TSPEAR: variants seen among roughly 807,000 people sequenced by gnomAD.
TSPEAR encodes thrombospondin-type laminin G domain and EAR repeat-containing protein.
In TSPEAR, 69 loss-of-function variants were observed where a neutral mutation model predicts 71.6. The ratio of observed to expected loss-of-function variants is 0.96; its 90% CI spans 0.79 to 1.18. The LOEUF is 1.18. TSPEAR is among the 50% of genes most tolerant of loss of function. The probability of loss-of-function intolerance (pLI) is 0.00; values close to 1 mark genes in which losing one functional copy is unlikely to be tolerated. For missense variants in TSPEAR, 971 were observed against 894.9 expected (o/e 1.09, Z -1.09); for synonymous variants, 402 against 387.2 (o/e 1.04, Z -0.45).
chr21:44,522,187 C>T, intron 8 of TSPEAR, 75 bp from the exon 9 acceptor site: 1 of 1,447,102 alleles, frequency 6.9e-7, no homozygotes, highest in Non-Finnish European at 9.7e-7. Context: ...GGAGGCAGAG[C>T]CCAGTCCAAG....
Position 44,509,291 on chromosome 21 carries a change from G to A in TSPEAR, c.1662C>T (p.Val554=). 1 of 1,614,084 alleles carries A rather than the reference G, an allele frequency of 6.2e-7. No homozygotes were observed. Among genetic ancestry groups the A allele is most frequent in the Non-Finnish European group, 8.5e-7 (1 of 1,180,008 alleles). ...NSHSYDVEMQ[V]QNDSYVINSV... Reference sequence around the variant, plus strand: ...AGTTGATGACATAGGAATCATTCTGGACTTGCATCTCCACATCGTAGCTGT... The same window carrying A: ...AGTTGATGACATAGGAATCATTCTGAACTTGCATCTCCACATCGTAGCTGT... The change falls in exon 10 of 12, where the codon GTC becomes GTT. Residue 554 remains valine, a synonymous_variant. Transcript: ENST00000323084.
chr21:44,680,567 T>C (rs587638130), intron 1 of TSPEAR, among the ~76,000 whole-genome samples: 2 of 152,326 alleles, frequency 1.3e-5, no homozygotes, highest in African/African-American at 2.4e-5. Flanking sequence ...GGAATTGGTG[T>C]ATCAAAAAGA....
intron 9 of TSPEAR, chr21:44,518,154 C>T: frequency 2.7e-6 from 1 of 368,444 alleles, no homozygotes; most frequent in Non-Finnish European, 5.5e-6. Flanking sequence ...AGTGCAGTAT[C>T]ATCTTGAATA....
At chr21:44,540,239 A>G (rs2053195840) in intron 2 of TSPEAR, 2 of 1,557,200 alleles carry the variant, frequency 1.3e-6, no homozygotes, top group African/African-American at 1.4e-5. Flanking sequence ...TGTGTGAGTG[A>G]GTGTGTGAGC....
At chr21:44,627,722 TGCCTGTCTGCTGTAA>T (rs781839622) in intron 1 of TSPEAR, 81 of 1,594,536 alleles carry the variant, frequency 5.1e-5, no homozygotes, top group East Asian at 9.0e-5. Flanking sequence ...TCCTACTGTG[TGCCTGTCTGCTGTAA>T]GCCTGTCTGC....
rs1569152370 is a variant in TSPEAR, at chr21:44,509,514, G to GGGGCGCAGAGGTGTGGGTGAGC, written c.1567-150_1567-129dup. 1.1e-4 allele frequency: 51 copies of GGGGCGCAGAGGTGTGGGTGAGC among 469,502 alleles called. 1 individual carries two copies. Among genetic ancestry groups the GGGGCGCAGAGGTGTGGGTGAGC allele is most frequent in the African/African-American group, 2.6e-4 (9 of 34,804 alleles). The allele number at this position is 469,502 out of a possible 1,614,324, so 29.1% of individuals were successfully genotyped here. On this transcript the variant is annotated intron_variant, in intron 9 of 11. Transcript: ENST00000323084. ...GAGGGGGCGCAGAGGTGTGGGGGAGGGGGCGCAGAGGTGTGGGTGAGCGGG... is the reference window on the plus strand; with the variant it reads ...GAGGGGGCGCAGAGGTGTGGGGGAGGGGGCGCAGAGGTGTGGGTGAGCGGGCGCAGAGGTGTGGGTGAGCGGG...
intron 2 of TSPEAR, chr21:44,558,561 C>G (rs1555920419): frequency 6.2e-7 from 1 of 1,613,058 alleles, no homozygotes; most frequent in Non-Finnish European, 8.5e-7. Context: ...GCTGGACACA[C>G]AGCTCACTGG....
chr21:44,533,749 G>A lies in TSPEAR; in HGVS notation c.478C>T (p.Leu160=). Reference sequence around the variant, plus strand: ...ACGCCTGCGGACACAGCCAGGACCAGTGTGTGCCAGCGGCCATCCACCAGG... The same window carrying A: ...ACGCCTGCGGACACAGCCAGGACCAATGTGTGCCAGCGGCCATCCACCAGG... The part of the protein sequence containing the change: ...PALVDGRWHT[L]VLAVSAGVFS... Residue 160 remains leucine, a synonymous_variant, in exon 3 of 12, where the codon CTG becomes TTG. Transcript: ENST00000323084. 1 of 1,612,466 alleles carries A rather than the reference G, an allele frequency of 6.2e-7. No individual in the cohort carries two copies. Among genetic ancestry groups the A allele is most frequent in the Non-Finnish European group, 8.5e-7 (1 of 1,179,878 alleles).
At chr21:44,670,591 T>C (rs1175712201) in intron 1 of TSPEAR, among the ~76,000 whole-genome samples, 2 of 152,142 alleles carry the variant, frequency 1.3e-5, no homozygotes, top group Non-Finnish European at 2.9e-5. Flanking sequence ...ATTTCCACCA[T>C]GGATTCAGCA....
At chr21:44,627,347 A>C (rs782011268) in intron 1 of TSPEAR, 4 of 1,613,284 alleles carry the variant, frequency 2.5e-6, no homozygotes, top group African/African-American at 2.7e-5. Flanking sequence ...CCCTGCTGCC[A>C]GGTGACCTGT....
intron 1 of TSPEAR, among the ~76,000 whole-genome samples, chr21:44,602,439 C>A (rs1402623607): frequency 1.3e-5 from 2 of 152,260 alleles, no homozygotes; most frequent in African/African-American, 4.8e-5. Flanking sequence ...CAGCCCCTGG[C>A]TCCAGAAAGG....
chr21:44,698,879 G>A (rs372128606), intron 1 of TSPEAR, among the ~76,000 whole-genome samples: 14 of 152,262 alleles, frequency 9.2e-5, no homozygotes, highest in African/African-American at 3.1e-4. Flanking sequence ...AGCTCCAGCC[G>A]GGGCAACAGA....
At chr21:44,693,638 A>T (rs1326513015) in intron 1 of TSPEAR, among the ~76,000 whole-genome samples, 1 of 100,066 alleles carries the variant, frequency 1.0e-5, no homozygotes, top group Admixed American at 1.0e-4. Flanking sequence ...ACCTACCAGG[A>T]TGGCTGTAAT....
chr21:44,588,670 T>C (rs1444038722), intron 1 of TSPEAR, among the ~76,000 whole-genome samples: 3 of 68,650 alleles, frequency 4.4e-5, no homozygotes, highest in African/African-American at 1.5e-4. Flanking sequence ...CTTTTATATA[T>C]ATAATATATA....
intron 2 of TSPEAR, among the ~76,000 whole-genome samples, chr21:44,538,220 C>A (rs1285102875): frequency 6.6e-6 from 1 of 152,166 alleles, no homozygotes; most frequent in African/African-American, 2.4e-5. Context: ...TCTGCACCCA[C>A]CCAGGGTGGC....
intron 1 of TSPEAR, among the ~76,000 whole-genome samples, chr21:44,689,009 A>G (rs1986988933): frequency 6.6e-6 from 1 of 152,124 alleles, no homozygotes; most frequent in Non-Finnish European, 1.5e-5. Flanking sequence ...CCGAGCATAG[A>G]GCACCAGGCC....
rs112368213 is a variant in TSPEAR, at chr21:44,587,771, G to T, written c.83-19766C>A. 8.6e-3 allele frequency among the ~76,000 whole-genome samples: 1,308 copies of T among 152,216 alleles called. 19 individuals are homozygous for T. Among genetic ancestry groups the T allele is most frequent in the African/African-American group, 0.03 (1,242 of 41,512 alleles). ...ACAAAGCAAACAAAAACATAAAGTG[G>T]GGAAAGGACACTCTATTCAACAAAT... On this transcript the variant is annotated intron_variant, in intron 1 of 11. Transcript: ENST00000323084.
intron 2 of TSPEAR, among the ~76,000 whole-genome samples, chr21:44,552,898 C>T (rs990964028): frequency 1.3e-5 from 2 of 152,178 alleles, no homozygotes; most frequent in Non-Finnish European, 2.9e-5. Flanking sequence ...ACTCAGCTCC[C>T]GACAAGAGCC....
intron 1 of TSPEAR, among the ~76,000 whole-genome samples, chr21:44,684,208 A>G (rs1555948585): frequency 6.6e-6 from 1 of 152,232 alleles, no homozygotes; most frequent in African/African-American, 2.4e-5. Flanking sequence ...GCAATCCGGA[A>G]GTCTACATCT....
Sources: allele counts gnomAD v4.1 joint callset (sites outside exome capture counted in the v4.1 genomes callset), GRCh38; gene constraint gnomAD v4.1.1; transcripts MANE v1.5; gene names NCBI Gene and HGNC (gene_info 2026-07-23, HGNC 2026-07-21).